TBCK: variants seen among roughly 807,000 people sequenced by gnomAD.
TBCK encodes the protein TBC1 domain containing kinase, also known as TBC domain-containing protein kinase-like protein.
In TBCK, 99 loss-of-function variants were observed where a neutral mutation model predicts 113.4. That is an observed-to-expected ratio of 0.87 (90% CI 0.74 to 1.03). The LOEUF (loss-of-function observed/expected upper bound fraction) is 1.03. Ranked by LOEUF, TBCK falls within the 50% of genes least tolerant of loss-of-function variation. The pLI is 0.00. For missense variants in TBCK, 1,045 were observed against 1,061.3 expected (o/e 0.98, Z 0.21); for synonymous variants, 369 against 370.8 (o/e 1.00, Z 0.05).
chr4:106,274,111 ATTG>A (rs1763776870), intron 3 of TBCK, among the ~76,000 whole-genome samples: 1 of 152,178 alleles, frequency 6.6e-6, no homozygotes, highest in Non-Finnish European at 1.5e-5. Context: ...ACAATACATT[ATTG>A]TTTATATTAG....
At chr4:106,131,730 C>G (rs953408525) in intron 23 of TBCK, among the ~76,000 whole-genome samples, 1 of 152,148 alleles carries the variant, frequency 6.6e-6, no homozygotes, top group African/African-American at 2.4e-5. Flanking sequence ...GAAGTTGGAA[C>G]AGTTTGGAGG....
At chr4:106,203,323 T>C (rs1324010198) in intron 20 of TBCK, among the ~76,000 whole-genome samples, 1 of 151,098 alleles carries the variant, frequency 6.6e-6, no homozygotes, top group Non-Finnish European at 1.5e-5. Flanking sequence ...ATAAGGAATA[T>C]ATGACATAAA....
chr4:106,264,511 G>C (rs191106686), intron 3 of TBCK, among the ~76,000 whole-genome samples: 8 of 151,938 alleles, frequency 5.3e-5, no homozygotes, highest in Non-Finnish European at 1.0e-4. Context: ...AAGACGTAAG[G>C]CCCTTTAGGC....
intron 22 of TBCK, among the ~76,000 whole-genome samples, chr4:106,183,885 T>C (rs1752701563): frequency 6.6e-6 from 1 of 152,094 alleles, no homozygotes; most frequent in Non-Finnish European, 1.5e-5. Context: ...GTCCTTGTTA[T>C]GATCCTTCTC....
rs150977279 is a variant in TBCK at position 106,099,385 on chromosome 4, T to C, written c.2412-3744A>G. Among the ~76,000 whole-genome samples, 84 of 152,232 alleles carry C rather than the reference T, an allele frequency of 5.5e-4. No homozygotes were observed. In the East Asian group the frequency reaches 8.5e-3, roughly 15 times the overall value. On this transcript the variant is annotated intron_variant, in intron 24 of 25. Transcript: ENST00000394708. ...TTTCACCAAACCATTCAAGAAGATC[T>C]ACCTACCTTTGTTTTTTGGCTGTTT...
chr4:106,305,854 AT>A (rs1244485806), intron 2 of TBCK, among the ~76,000 whole-genome samples: 2 of 152,196 alleles, frequency 1.3e-5, no homozygotes, highest in Non-Finnish European at 2.9e-5. Context: ...CAGTTTACAA[AT>A]TCCAAGGCAA....
rs1040839605 is a variant in TBCK, at chr4:106,161,234, A to T, written c.2235+9861T>A. On this transcript the variant is annotated intron_variant, in intron 23 of 25. Transcript: ENST00000394708. ...ATTTTTATCACAATAAAAAAATTAG[A>T]AAAGATCCCTACAAATACAAATAAA... 5.3e-5 allele frequency among the ~76,000 whole-genome samples: 8 copies of T among 152,170 alleles called. 1 individual carries two copies. The highest frequency in any genetic ancestry group is 1.2e-4 in the Non-Finnish European group (8 of 68,004).
At position 106,046,516 on chromosome 4, in the gene TBCK, T is replaced by A. The variant is rs965575588; in HGVS notation, c.*54A>T. On this transcript the variant is annotated 3_prime_UTR_variant, in exon 26 of 26. Coordinates refer to ENST00000394708, the MANE Select transcript of TBCK (RefSeq NM_001163435.3). ...TGAGAGTGGCGTGGATATGAAGAAC[T>A]GTGCTGTTGGTGCTGATGCCACACT... 2.1e-6 allele frequency: 2 copies of A among 934,140 alleles called. No homozygotes were observed. Among genetic ancestry groups the A allele is most frequent in the African/African-American group, 3.3e-5 (2 of 60,980 alleles). The allele number at this position is 934,140 out of a possible 1,614,324, so 57.9% of individuals were successfully genotyped here. A position where few individuals can be genotyped will look rare whatever the true frequency, so the allele number is the denominator to read the frequency against.
chr4:106,147,364 A>G (rs908759624), intron 23 of TBCK, among the ~76,000 whole-genome samples: 2 of 152,228 alleles, frequency 1.3e-5, no homozygotes, highest in Non-Finnish European at 2.9e-5. Context: ...CTTAAAAAGT[A>G]AGACTTGAAA....
At chr4:106,312,222 G>A (rs1181129199) in intron 1 of TBCK, among the ~76,000 whole-genome samples, 4 of 152,050 alleles carry the variant, frequency 2.6e-5, no homozygotes, top group Non-Finnish European at 1.5e-5. Flanking sequence ...AAACATATGT[G>A]TGTCTGTATA....
chr4:106,245,949 AC>A (rs1034211915), intron 10 of TBCK, among the ~76,000 whole-genome samples: 44 of 152,280 alleles, frequency 2.9e-4, no homozygotes, highest in African/African-American at 1.0e-3. Context: ...CTAGAAAAAA[AC>A]ATCTGGAATT....
At chr4:106,056,387 G>C (rs1341060077) in intron 25 of TBCK, among the ~76,000 whole-genome samples, 1 of 149,950 alleles carries the variant, frequency 6.7e-6, no homozygotes, top group African/African-American at 2.5e-5. Context: ...TTACAGGTGT[G>C]AGCCACCACA....
intron 23 of TBCK, among the ~76,000 whole-genome samples, chr4:106,120,106 C>T (rs188246198): frequency 4.8e-4 from 73 of 152,122 alleles, no homozygotes; most frequent in African/African-American, 1.2e-3. Flanking sequence ...TAAATGGGTG[C>T]GCGCACCGTG....
chr4:106,106,951 C>G (rs1578910353), intron 24 of TBCK, among the ~76,000 whole-genome samples: 1 of 150,986 alleles, frequency 6.6e-6, no homozygotes, highest in East Asian at 1.9e-4. Context: ...AAAAATCTAC[C>G]AAAAAAATAA....
intron 3 of TBCK, among the ~76,000 whole-genome samples, chr4:106,283,249 C>T (rs1228505007): frequency 6.6e-6 from 1 of 152,028 alleles, no homozygotes; most frequent in Non-Finnish European, 1.5e-5. Context: ...ATACTTACAA[C>T]TTTAGGAGAC....
At chr4:106,203,097 TGTCA>T (rs1175895002) in intron 20 of TBCK, among the ~76,000 whole-genome samples, 1 of 151,936 alleles carries the variant, frequency 6.6e-6, no homozygotes, top group African/African-American at 2.4e-5. Flanking sequence ...TTATGAGCTC[TGTCA>T]GTGTTTCATT....
At chr4:106,130,589 T>TATAC (rs575288648) in intron 23 of TBCK, among the ~76,000 whole-genome samples, 1 of 142,430 alleles carries the variant, frequency 7.0e-6, no homozygotes, top group Non-Finnish European at 1.5e-5. Flanking sequence ...TTGCGCTAAA[T>TATAC]ACACACACAC....
rs562482345 is a variant in TBCK, at chr4:106,311,945, G to A, written c.-29-2956C>T. Among the ~76,000 whole-genome samples the A allele has an allele frequency of 1.2e-4, 18 of 152,202 alleles. No individual in the cohort carries two copies. The South Asian group carries it at 3.3e-3, about 28-fold the overall frequency. Reference sequence around the variant, plus strand: ...TCTAAGATGGAACATAGGCTTAAGCGTAAAAGGTAAAACTGTTAGTCTTCT... The same window carrying A: ...TCTAAGATGGAACATAGGCTTAAGCATAAAAGGTAAAACTGTTAGTCTTCT... On this transcript the variant is annotated intron_variant, in intron 1 of 25. Transcript: ENST00000394708.
chr4:106,271,844 A>G (rs920381820), intron 3 of TBCK, among the ~76,000 whole-genome samples: 3 of 152,104 alleles, frequency 2.0e-5, no homozygotes, highest in African/African-American at 7.2e-5. Context: ...ATTGATTTCT[A>G]GGTTTCCCAC....
Sources: allele counts gnomAD v4.1 joint callset (sites outside exome capture counted in the v4.1 genomes callset), GRCh38; gene constraint gnomAD v4.1.1; transcripts MANE v1.5; gene names NCBI Gene and HGNC (gene_info 2026-07-23, HGNC 2026-07-21).